Variants in FH observed in about 807,000 individuals in gnomAD.
FH encodes the protein fumarate hydratase, also known as fumarate hydratase, mitochondrial.
A neutral mutation model predicts 49.4 loss-of-function variants in FH; 22 were observed. The observed-to-expected ratio is 0.45, with a 90% CI of 0.32 to 0.64. The LOEUF is 0.64. Among genes scored for constraint, FH ranks in the 30% least tolerant of loss-of-function variants. The pLI, the probability that FH is intolerant of heterozygous loss-of-function variation, is 0.05. For missense variants in FH, 526 were observed against 641.5 expected (o/e 0.82, Z 1.95); for synonymous variants, 208 against 223.0 (o/e 0.93, Z 0.60).
chr1:241,504,310 CA>C (rs1659859956), intron 6 of FH, 65 bp from the exon 7 acceptor site: 4 of 1,447,400 alleles, frequency 2.8e-6, no homozygotes, highest in Non-Finnish European at 3.9e-6. Context: ...CTACCATTAG[CA>C]AGTGAAACAG....
intron 5 of FH, among the ~76,000 whole-genome samples, chr1:241,506,554 T>C (rs1004994561): frequency 6.6e-6 from 1 of 152,144 alleles, no homozygotes; most frequent in Non-Finnish European, 1.5e-5. Context: ...TCAGACAACT[T>C]TGGTGTAAGA....
intron 1 of FH, among the ~76,000 whole-genome samples, chr1:241,517,568 G>A (rs548315052): frequency 6.6e-6 from 1 of 152,176 alleles, no homozygotes; most frequent in Admixed American, 6.5e-5. Context: ...TAAACATAAA[G>A]ACTTTGAAAT....
At chr1:241,517,393 T>C (rs1466607465) in intron 1 of FH, 77 bp from the exon 2 acceptor site, 1 of 1,517,604 alleles carries the variant, frequency 6.6e-7, no homozygotes, top group Non-Finnish European at 9.1e-7. Flanking sequence ...TATCAGCTGT[T>C]AAAGAGAAAG....
intron 3 of FH, among the ~76,000 whole-genome samples, chr1:241,513,082 A>G (rs1660131795): frequency 6.6e-6 from 1 of 152,118 alleles, no homozygotes. Context: ...ATTTTCTATA[A>G]TTTACCATAT....
intron 1 of FH, among the ~76,000 whole-genome samples, chr1:241,517,685 C>T (rs1558402421): frequency 1.3e-5 from 2 of 152,026 alleles, no homozygotes; most frequent in East Asian, 1.9e-4. Flanking sequence ...CTTTTGAAAA[C>T]GGTCTAAGAA....
At chr1:241,498,248 A>G (rs993500666) in intron 9 of FH, among the ~76,000 whole-genome samples, 8 of 152,160 alleles carry the variant, frequency 5.3e-5, no homozygotes, top group Non-Finnish European at 1.2e-4. Flanking sequence ...TTTGAAGGGG[A>G]AAAAAGTAGA....
intron 1 of FH, among the ~76,000 whole-genome samples, chr1:241,518,887 A>C (rs577036247): frequency 6.6e-6 from 1 of 152,338 alleles, no homozygotes; most frequent in African/African-American, 2.4e-5. Flanking sequence ...TCTGAATAAA[A>C]AGTACCGATT....
chr1:241,508,650 T>C lies in FH; in HGVS notation c.691A>G (p.Ile231Val), dbSNP rs1659991322. ...GCATCCTGAGTATGAGTACGTCCAATCTTGATGATCTGTGCAAACTCTTTG... is the reference window on the plus strand; with the variant it reads ...GCATCCTGAGTATGAGTACGTCCAACCTTGATGATCTGTGCAAACTCTTTG... Reference protein sequence around the residue: ...KSKEFAQIIKIGRTHTQDAVP... With the variant: ...KSKEFAQIIKVGRTHTQDAVP... Residue 231 changes from isoleucine (I) to valine (V), a missense_variant, in exon 5 of 10, where the codon ATT becomes GTT. This residue lies in a region of FH where 383 missense variants were observed against 514.0 expected (regional missense o/e 0.75). Transcript: ENST00000366560. 2.5e-6 allele frequency: 4 copies of C among 1,613,940 alleles called. No individual in the cohort carries two copies. The highest frequency in any genetic ancestry group is 3.4e-6 in the Non-Finnish European group (4 of 1,179,878).
At chr1:241,501,153 A>C (rs921392025) in intron 8 of FH, among the ~76,000 whole-genome samples, 1 of 152,176 alleles carries the variant, frequency 6.6e-6, no homozygotes, top group African/African-American at 2.4e-5. Context: ...ATATTAAAAA[A>C]CAGTATAAAA....
intron 4 of FH, among the ~76,000 whole-genome samples, chr1:241,510,325 C>T (rs1660051768): frequency 6.6e-6 from 1 of 152,108 alleles, no homozygotes; most frequent in South Asian, 2.1e-4. Flanking sequence ...AGTCGGAACA[C>T]ACTTCAGAAA....
At chr1:241,517,054 T>C (rs1660236758) in intron 2 of FH, 128 bp downstream of exon 2, 4 of 1,113,230 alleles carry the variant, frequency 3.6e-6, no homozygotes, top group Non-Finnish European at 5.3e-6. Flanking sequence ...GAACCTCTTA[T>C]TACTCACGAA....
At chr1:241,508,541 G>T in intron 5 of FH, 62 bp downstream of exon 5, 1 of 1,433,694 alleles carries the variant, frequency 7.0e-7, no homozygotes, top group Non-Finnish European at 9.8e-7. Flanking sequence ...AGATTTCAAG[G>T]ATGACACATT....
intron 2 of FH, 68 bp downstream of exon 2, chr1:241,517,114 A>C (rs1660238812): frequency 1.3e-6 from 2 of 1,580,850 alleles, no homozygotes. Flanking sequence ...ATATTTATAA[A>C]GTAAAGTGAC....
intron 3 of FH, 84 bp downstream of exon 3, chr1:241,513,519 C>T: frequency 9.9e-7 from 1 of 1,011,844 alleles, no homozygotes; most frequent in Admixed American, 1.7e-5. Flanking sequence ...TCACAGTTCC[C>T]CTTTCCTTCT....
At chr1:241,507,011 A>G (rs779833625) in intron 5 of FH, among the ~76,000 whole-genome samples, 2 of 152,160 alleles carry the variant, frequency 1.3e-5, no homozygotes, top group Non-Finnish European at 2.9e-5. Flanking sequence ...TCTAAAGAAA[A>G]CATTTCAAAA....
rs766840026 is a variant in FH at position 241,517,266 on chromosome 1, C to A, written c.183G>T (p.Lys61Asn). The A allele has an allele frequency of 2.5e-6, 4 of 1,614,110 alleles. No individual in the cohort carries two copies. In the South Asian group the frequency reaches 4.4e-5, roughly 18 times the overall value. Residue 61 changes from lysine to asparagine, a missense_variant, in exon 2 of 10, where the codon AAG becomes AAT. Physicochemically the swap from Lys to Asn is moderately conservative, Grantham distance 94. This residue lies in a region of FH where 143 missense variants were observed against 127.5 expected (regional missense o/e 1.12). Coordinates refer to ENST00000366560, the MANE Select transcript of FH (RefSeq NM_000143.4). ...RIEYDTFGELKVPNDKYYGAQ... is the reference protein window; with the variant it reads ...RIEYDTFGELNVPNDKYYGAQ... ...CGCCATAATACTTATCATTTGGCAC[C>A]TTTAGTTCACCAAAGGTATCATATT...
chr1:241,499,286 GTCAC>G (rs1361199432), intron 9 of FH, among the ~76,000 whole-genome samples: 2 of 152,164 alleles, frequency 1.3e-5, no homozygotes, highest in East Asian at 3.9e-4. Context: ...TTCTTTTTAT[GTCAC>G]AATAAGTTGA....
At chr1:241,502,592 CAG>C in intron 7 of FH, 22 bp from the exon 8 acceptor site, 1 of 1,613,396 alleles carries the variant, frequency 6.2e-7, no homozygotes, top group Non-Finnish European at 8.5e-7. Flanking sequence ...CCACCAATGA[CAG>C]AGTAAAGACT....
intron 9 of FH, among the ~76,000 whole-genome samples, chr1:241,499,186 G>T (rs942555077): frequency 6.6e-6 from 1 of 152,118 alleles, no homozygotes; most frequent in Non-Finnish European, 1.5e-5. Context: ...AGAATATAGG[G>T]AACCCATGAT....
Sources: allele counts gnomAD v4.1 joint callset (sites outside exome capture counted in the v4.1 genomes callset), GRCh38; gene constraint gnomAD v4.1.1; regional missense constraint gnomAD v4.1.1; transcripts MANE v1.5; gene names NCBI Gene and HGNC (gene_info 2026-07-23, HGNC 2026-07-21).